Variants in ROS1 observed in about 807,000 individuals in gnomAD.
The protein encoded by ROS1 is proto-oncogene tyrosine-protein kinase ROS.
ROS1 carries 263 observed loss-of-function variants against 273.5 expected under a neutral mutation model. That is an observed-to-expected ratio of 0.96 (90% CI 0.87 to 1.06). The LOEUF (loss-of-function observed/expected upper bound fraction) is 1.06. ROS1 is among the 50% of genes least tolerant of loss of function. The pLI is 0.00. For missense variants in ROS1, 2,833 were observed against 2,751.1 expected, an observed-to-expected ratio of 1.03 and a Z score of -0.67; for synonymous variants, 1,008 against 954.1, an observed-to-expected ratio of 1.06 and a Z score of -1.04.
chr6:117,317,958 T>G (rs2128556488), intron 38 of ROS1, among the ~76,000 whole-genome samples: 1 of 152,286 alleles, frequency 6.6e-6, no homozygotes, highest in South Asian at 2.1e-4. Context: ...AACATGCTCC[T>G]TATTGAAGAT....
In ROS1 at chr6:117,356,717, C is replaced by A. The variant is rs2128643908; in HGVS notation, c.4038G>T (p.Leu1346Phe). 1 of 1,614,168 alleles carries A rather than the reference C, an allele frequency of 6.2e-7. No individual in the cohort carries two copies. Residue 1346 changes from leucine to phenylalanine, a missense_variant, in exon 26 of 44, where the codon TTG (leucine) becomes TTT (phenylalanine). Transcript: ENST00000368507. The stretch of plus-strand genomic sequence containing the variant: ...TCTCTTGTGCTTTGGCAAAGTATAT[C>A]AATGGTTTCTCTAGGTTAGAGGTAT... The part of the protein sequence containing the change: ...AIDTSNLEKP[L>F]IYFAKAQEIW...
chr6:117,311,236 T>C, intron 39 of ROS1, 119 bp from the exon 40 acceptor site: 1 of 473,306 alleles, frequency 2.1e-6, no homozygotes, highest in Non-Finnish European at 3.7e-6. Flanking sequence ...TCTGATGTTT[T>C]AAAGGGATTT....
In ROS1 at chr6:117,383,607, T is replaced by A. The variant is rs1772333832; in HGVS notation, c.2290-99A>T. ...ATTAATAAATTGCTTGATTAATCATTCATTCATTCAACCACAAATAGTGAT... is the reference window on the plus strand; with the variant it reads ...ATTAATAAATTGCTTGATTAATCATACATTCATTCAACCACAAATAGTGAT... On this transcript the variant is annotated intron_variant, in intron 16 of 43. Coordinates refer to ENST00000368507, the MANE Select transcript of ROS1 (RefSeq NM_001378902.1). The A allele has an allele frequency of 1.4e-5, 13 of 933,620 alleles. No homozygotes were observed. In the East Asian group the frequency reaches 3.2e-4, roughly 23 times the overall value. The allele number at this position is 933,620 out of a possible 1,614,324, so 57.8% of individuals were successfully genotyped here.
intron 38 of ROS1, among the ~76,000 whole-genome samples, chr6:117,317,506 A>G (rs1776003413): frequency 1.3e-5 from 2 of 152,300 alleles, no homozygotes; most frequent in Admixed American, 6.5e-5. Context: ...AGAAGGAATA[A>G]CATTTGTATT....
chr6:117,417,245 GCT>G (rs1220986732), intron 2 of ROS1, among the ~76,000 whole-genome samples: 1 of 151,994 alleles, frequency 6.6e-6, no homozygotes, highest in Non-Finnish European at 1.5e-5. Flanking sequence ...CCTCAAATTT[GCT>G]CTTTCTCCTG....
chr6:117,382,662 G>C (rs1271502023), intron 17 of ROS1, among the ~76,000 whole-genome samples: 1 of 152,128 alleles, frequency 6.6e-6, no homozygotes, highest in Admixed American at 6.6e-5. Context: ...TGTAAAAGCT[G>C]AGGAAGTAAA....
chr6:117,311,002 T>A lies in ROS1; in HGVS notation c.6215+18A>T. The A allele has an allele frequency of 1.3e-6, 2 of 1,512,424 alleles. No individual in the cohort carries two copies. Among genetic ancestry groups the A allele is most frequent in the Non-Finnish European group, 1.8e-6 (2 of 1,092,548 alleles). The allele number at this position is 1,512,424 out of a possible 1,614,324, so 93.7% of individuals were successfully genotyped here. A position where few individuals can be genotyped will look rare whatever the true frequency, so the allele number is the denominator to read the frequency against. ...TGCCAATATCCGTAATAACCCTGTA[T>A]CCAGAAGAGAATTGTACCTGTGAAT... On this transcript the variant is annotated intron_variant, in intron 40 of 43. Transcript: ENST00000368507.
chr6:117,360,941 T>A (rs1779748618), intron 22 of ROS1, among the ~76,000 whole-genome samples: 1 of 152,166 alleles, frequency 6.6e-6, no homozygotes, highest in African/African-American at 2.4e-5. Flanking sequence ...ATTTCCAGAC[T>A]TTTTAGAAAG....
At chr6:117,400,907 T>C (rs1773881480) in intron 7 of ROS1, among the ~76,000 whole-genome samples, 1 of 152,212 alleles carries the variant, frequency 6.6e-6, no homozygotes, top group Non-Finnish European at 1.5e-5. Flanking sequence ...AATCCTTCCA[T>C]TTAATTGCTT....
chr6:117,329,963 G>A (rs887535692), intron 32 of ROS1, among the ~76,000 whole-genome samples: 2 of 152,140 alleles, frequency 1.3e-5, no homozygotes, highest in African/African-American at 4.8e-5. Context: ...CCTGGGGGAG[G>A]GGTGACCAGC....
chr6:117,289,268 C>T (rs922690564), intron 43 of ROS1, among the ~76,000 whole-genome samples: 2 of 152,128 alleles, frequency 1.3e-5, no homozygotes, highest in South Asian at 4.1e-4. Flanking sequence ...AGTAATTTTG[C>T]TAAATTAATT....
In ROS1 at chr6:117,328,868, C is replaced by T. The variant is rs972191592; in HGVS notation, c.5348+461G>A. 3.3e-5 allele frequency: 20 copies of T among 612,708 alleles called. No individual in the cohort carries two copies. The African/African-American group carries it at 3.4e-4, about 10-fold the overall frequency. 38.0% of individuals were successfully genotyped at this position (612,708 alleles called of 1,614,324 possible). A position where few individuals can be genotyped will look rare whatever the true frequency, so the allele number is the denominator to read the frequency against. ...CCAATGAATACAGAATCCTGTGTGA[C>T]CTCTACACTTCAGACCATTTCAGAA... On this transcript the variant is annotated intron_variant, in intron 33 of 43. Transcript: ENST00000368507.
intron 27 of ROS1, among the ~76,000 whole-genome samples, chr6:117,345,111 G>A (rs1778266041): frequency 6.6e-6 from 1 of 152,158 alleles, no homozygotes; most frequent in Admixed American, 6.5e-5. Flanking sequence ...CTCATTGTGC[G>A]TGGCACTGTG....
chr6:117,370,613 G>A (rs957369431), intron 18 of ROS1, among the ~76,000 whole-genome samples: 15 of 152,068 alleles, frequency 9.9e-5, no homozygotes, highest in East Asian at 1.9e-4. Flanking sequence ...CATATGACAC[G>A]AAGAACACTA....
At chr6:117,328,425 C>A in intron 33 of ROS1, 1 of 303,964 alleles carries the variant, frequency 3.3e-6, no homozygotes, top group Non-Finnish European at 6.3e-6. Flanking sequence ...GACAGTTCTG[C>A]AGGTTAGAAT....
At position 117,288,538 on chromosome 6, in the gene ROS1, T is replaced by C. The variant is rs2128520591; in HGVS notation, c.6980A>G (p.Asn2327Ser). The part of the protein sequence containing the change: ...YCPSGKPEGL[N>S]YACLTHSGYG... ...TCCACTGTGAGTGAGACAGGCATAG[T>C]TCAGGCCTTCAGGCTTGCCAGAAGG... Residue 2327 changes from asparagine (N) to serine (S), a missense_variant, in exon 44 of 44, where the codon AAC becomes AGC. Physicochemically the swap from Asn to Ser is conservative, Grantham distance 46. Transcript: ENST00000368507. 2.5e-6 allele frequency: 4 copies of C among 1,614,154 alleles called. No individual in the cohort carries two copies. Among genetic ancestry groups the C allele is most frequent in the Non-Finnish European group, 3.4e-6 (4 of 1,180,002 alleles).
chr6:117,341,528 G>T lies in ROS1; in HGVS notation c.4756C>A (p.Arg1586Ser), dbSNP rs368206665. 2 of 1,613,544 alleles carry T rather than the reference G, an allele frequency of 1.2e-6. No homozygotes were observed. The highest frequency in any genetic ancestry group is 1.7e-6 in the Non-Finnish European group (2 of 1,179,696). ...AGGTGTGAGATTGCCAACTGATAAC[G>T]GACTGATTCTTTAGGTCCATTTGGC... ...HKPNGPKESV[R>S]YQLAISHLAL... Residue 1586 changes from arginine to serine, a missense_variant, in exon 30 of 44, where the codon CGT becomes AGT. Coordinates refer to ENST00000368507, the MANE Select transcript of ROS1 (RefSeq NM_001378902.1).
At chr6:117,414,151 G>C (rs906161222) in intron 4 of ROS1, among the ~76,000 whole-genome samples, 1 of 152,114 alleles carries the variant, frequency 6.6e-6, no homozygotes, top group African/African-American at 2.4e-5. Context: ...GGAATCAGCA[G>C]AGATATCTCT....
chr6:117,360,534 T>TA, intron 22 of ROS1, 129 bp from the exon 23 acceptor site: 1 of 583,636 alleles, frequency 1.7e-6, no homozygotes, highest in Admixed American at 3.1e-5. Context: ...TTTCAAATAG[T>TA]TATTGACATT....
Sources: allele counts gnomAD v4.1 joint callset (sites outside exome capture counted in the v4.1 genomes callset), GRCh38; gene constraint gnomAD v4.1.1; transcripts MANE v1.5; gene names NCBI Gene and HGNC (gene_info 2026-07-23, HGNC 2026-07-21).